The following SH3BGRL variants were observed in gnomAD, a reference collection of about 807,000 sequenced individuals.
SH3BGRL encodes adapter SH3BGRL.
A neutral mutation model predicts 9.8 loss-of-function variants in SH3BGRL; 7 were observed. The observed-to-expected ratio is 0.72, with a 90% CI of 0.41 to 1.35. The LOEUF is 1.35. Among genes scored for constraint, SH3BGRL ranks in the 40% most tolerant of loss-of-function variants. The pLI, the probability that SH3BGRL is intolerant of heterozygous loss-of-function variation, is 0.01. For synonymous variants in SH3BGRL, 36 were observed against 29.1 expected, an observed-to-expected ratio of 1.24 and a Z score of -0.76; for missense variants, 73 against 84.4, an observed-to-expected ratio of 0.86 and a Z score of 0.53.
chrX:81,269,964 A>T (rs949381947), intron 1 of SH3BGRL, among the ~76,000 whole-genome samples: 12 of 109,887 alleles, frequency 1.1e-4, no homozygotes, highest in African/African-American at 3.3e-4. Flanking sequence ...TATTTCATTA[A>T]TTTGATCTTC....
intron 3 of SH3BGRL, among the ~76,000 whole-genome samples, chrX:81,282,472 A>G (rs1476924343): frequency 8.9e-6 from 1 of 112,125 alleles, no homozygotes; most frequent in East Asian, 2.8e-4. Context: ...ATATTATATC[A>G]AGCACTTTCT....
intron 3 of SH3BGRL, among the ~76,000 whole-genome samples, chrX:81,287,862 C>T (rs934502918): frequency 4.6e-5 from 5 of 108,041 alleles, no homozygotes; most frequent in Non-Finnish European, 9.6e-5. Context: ...AGAGGAGGAA[C>T]GAATAGTTCC....
At chrX:81,205,779 G>A (rs2075545606) in intron 1 of SH3BGRL, among the ~76,000 whole-genome samples, 1 of 109,455 alleles carries the variant, frequency 9.1e-6, no homozygotes, top group African/African-American at 3.3e-5. Flanking sequence ...TTGTTTTTTT[G>A]AGAAATCTCT....
rs1569370952 is a variant in SH3BGRL, at chrX:81,286,526, AG to A, written c.312+8116del. ...AAAAAAAAAAAAAAAAAAAAAAAAG[AG>A]AGGGGAAAAGCAGGAAAGAAGGATG... is the stretch of plus-strand genomic sequence containing the variant. On this transcript the variant is annotated intron_variant, in intron 3 of 3. Transcript: ENST00000373212. 8.9e-4 allele frequency among the ~76,000 whole-genome samples: 75 copies of A among 83,828 alleles called. 1 individual carries two copies. The highest frequency in any genetic ancestry group is 3.0e-3 in the African/African-American group (72 of 23,703). 72.8% of individuals were successfully genotyped at this position (83,828 alleles called of 115,157 possible).
At chrX:81,254,030 C>T (rs1048507797) in intron 1 of SH3BGRL, among the ~76,000 whole-genome samples, 6 of 111,631 alleles carry the variant, frequency 5.4e-5, no homozygotes, top group African/African-American at 9.8e-5. Context: ...TATCTGCCAG[C>T]ATCCTTAAAA....
chrX:81,264,988 C>A (rs1645133017), intron 1 of SH3BGRL, among the ~76,000 whole-genome samples: 1 of 109,184 alleles, frequency 9.2e-6, no homozygotes, highest in African/African-American at 3.3e-5. Flanking sequence ...CCCTTTTAAC[C>A]CAGAAACTGG....
intron 3 of SH3BGRL, among the ~76,000 whole-genome samples, chrX:81,289,041 C>T (rs1167923267): frequency 4.5e-5 from 5 of 112,046 alleles, no homozygotes; most frequent in African/African-American, 1.3e-4. Flanking sequence ...CAGAGCTATA[C>T]TAATCAAAAC....
intron 1 of SH3BGRL, among the ~76,000 whole-genome samples, chrX:81,239,127 C>T (rs1602605604): frequency 8.9e-6 from 1 of 111,987 alleles, no homozygotes; most frequent in Non-Finnish European, 1.9e-5. Context: ...TGACAAAGAA[C>T]ATCTACTAGC....
At chrX:81,243,235 A>T (rs1289099209) in intron 1 of SH3BGRL, among the ~76,000 whole-genome samples, 1 of 112,508 alleles carries the variant, frequency 8.9e-6, no homozygotes, top group Non-Finnish European at 1.9e-5. Context: ...CATTTGCAAC[A>T]GCATGGATAG....
chrX:81,268,196 G>GT (rs1272673158), intron 1 of SH3BGRL, among the ~76,000 whole-genome samples: 6 of 109,568 alleles, frequency 5.5e-5, no homozygotes, highest in East Asian at 2.9e-4. Flanking sequence ...TTTTTGAAGG[G>GT]TTTTTTTTGT....
chrX:81,219,266 A>G (rs1363582392), intron 1 of SH3BGRL, among the ~76,000 whole-genome samples: 1 of 110,574 alleles, frequency 9.0e-6, no homozygotes, highest in Non-Finnish European at 1.9e-5. Flanking sequence ...AGATTTATAT[A>G]TGTACATTTT....
intron 1 of SH3BGRL, among the ~76,000 whole-genome samples, chrX:81,267,087 C>T (rs2075759609): frequency 8.9e-6 from 1 of 112,172 alleles, no homozygotes; most frequent in East Asian, 2.8e-4. Flanking sequence ...AGTTGCTTAT[C>T]AGCTTAAGGA....
intron 1 of SH3BGRL, among the ~76,000 whole-genome samples, chrX:81,263,149 A>G (rs781043651): frequency 1.7e-4 from 19 of 111,413 alleles, no homozygotes; most frequent in Non-Finnish European, 7.5e-5. Flanking sequence ...AGACTTGCAG[A>G]TGAAGGGAAC....
intron 1 of SH3BGRL, among the ~76,000 whole-genome samples, chrX:81,212,958 G>T (rs2075570026): frequency 8.9e-6 from 1 of 112,489 alleles, no homozygotes; most frequent in Admixed American, 9.4e-5. Context: ...AGATTGAATT[G>T]ACTTTTTTTC....
chrX:81,221,335 C>T (rs1450146985), intron 1 of SH3BGRL, among the ~76,000 whole-genome samples: 2 of 111,473 alleles, frequency 1.8e-5, no homozygotes. Flanking sequence ...CCCTTCTTAA[C>T]TTTTGGAGTT....
chrX:81,279,361 A>C (rs1222438846), intron 3 of SH3BGRL, among the ~76,000 whole-genome samples: 2 of 111,533 alleles, frequency 1.8e-5, no homozygotes, highest in Admixed American at 9.5e-5. Context: ...TCTGCAATCC[A>C]GACAGAGCAG....
At chrX:81,265,358 C>T (rs776816430) in intron 1 of SH3BGRL, among the ~76,000 whole-genome samples, 24 of 109,061 alleles carry the variant, frequency 2.2e-4, no homozygotes, top group African/African-American at 7.7e-4. Context: ...TATCCCTCCC[C>T]TAGTCCCACA....
intron 1 of SH3BGRL, among the ~76,000 whole-genome samples, chrX:81,256,568 T>C (rs1267262708): frequency 8.9e-6 from 1 of 111,912 alleles, no homozygotes; most frequent in Non-Finnish European, 1.9e-5. Context: ...AGTTTCCCAG[T>C]GATCCTTCAA....
intron 1 of SH3BGRL, among the ~76,000 whole-genome samples, chrX:81,232,363 C>T (rs770560612): frequency 2.8e-5 from 3 of 106,683 alleles, no homozygotes; most frequent in Admixed American, 1.0e-4. Flanking sequence ...GATACAGTAA[C>T]GGTTCAATAA....
Sources: allele counts gnomAD v4.1 joint callset (sites outside exome capture counted in the v4.1 genomes callset), GRCh38; gene constraint gnomAD v4.1.1; transcripts MANE v1.5; gene names NCBI Gene and HGNC (gene_info 2026-07-23, HGNC 2026-07-21).